NPEPL1: variants seen among roughly 807,000 people sequenced by gnomAD.
NPEPL1 encodes probable aminopeptidase NPEPL1.
In NPEPL1, 45 loss-of-function variants were observed where a neutral mutation model predicts 52.4. The ratio of observed to expected loss-of-function variants is 0.86; its 90% CI spans 0.68 to 1.10. The LOEUF (loss-of-function observed/expected upper bound fraction) is 1.10, where lower values mean the gene tolerates loss of function less well. Ranked by LOEUF, NPEPL1 falls within the 50% of genes least tolerant of loss-of-function variation. NPEPL1 has a pLI of 0.00. For synonymous variants in NPEPL1, 360 were observed against 314.7 expected, an observed-to-expected ratio of 1.14 and a Z score of -1.52; for missense variants, 696 against 710.9, an observed-to-expected ratio of 0.98 and a Z score of 0.24.
In NPEPL1 at chr20:58,712,556, C is replaced by CA. The variant is rs1568861137; in HGVS notation, c.979dup (p.Ile327AsnfsTer66). Reference sequence around the variant, plus strand: ...GGCCCAATGCGACAAGGCCAGATGACATCCACCTGCTGTACTCAGGGAAGT... The same window carrying CA: ...GGCCCAATGCGACAAGGCCAGATGACAATCCACCTGCTGTACTCAGGGAAGT... On this transcript the variant is annotated frameshift_variant, in exon 8 of 12. Transcript: ENST00000356091. LOFTEE classifies it high-confidence loss of function. 18 of 1,613,068 alleles carry CA rather than the reference C, an allele frequency of 1.1e-5. No individual in the cohort carries two copies. The highest frequency in any genetic ancestry group is 1.4e-5 in the Non-Finnish European group (17 of 1,179,210).
At chr20:58,709,929 C>G (rs1274097698) in intron 7 of NPEPL1, among the ~76,000 whole-genome samples, 2 of 152,004 alleles carry the variant, frequency 1.3e-5, no homozygotes, top group African/African-American at 4.8e-5. Flanking sequence ...GGTGATGGTC[C>G]TGTGTTGGTG....
At chr20:58,704,783 G>A (rs2084704992) in intron 6 of NPEPL1, among the ~76,000 whole-genome samples, 1 of 152,218 alleles carries the variant, frequency 6.6e-6, no homozygotes, top group South Asian at 2.1e-4. Context: ...AACTAACTAT[G>A]AACATTCTTT....
chr20:58,706,886 AG>A (rs953808071), intron 6 of NPEPL1, among the ~76,000 whole-genome samples: 1 of 152,310 alleles, frequency 6.6e-6, no homozygotes, highest in African/African-American at 2.4e-5. Flanking sequence ...TCAAAACAAA[AG>A]GGAGCCTCAC....
intron 6 of NPEPL1, among the ~76,000 whole-genome samples, chr20:58,704,670 G>C (rs1179898562): frequency 2.0e-5 from 3 of 152,186 alleles, no homozygotes; most frequent in African/African-American, 7.2e-5. Context: ...TTCCGATGTA[G>C]TCTATGGAAA....
intron 6 of NPEPL1, chr20:58,704,518 A>G (rs2084700574): frequency 6.1e-6 from 2 of 328,854 alleles, no homozygotes; most frequent in Admixed American, 1.3e-4. Context: ...AATCCATTGC[A>G]TGTTATCATA....
chr20:58,712,490 C>G lies in NPEPL1; in HGVS notation c.912C>G (p.Asp304Glu). 6.2e-7 allele frequency: 1 copy of G among 1,612,528 alleles called. No homozygotes were observed. Among genetic ancestry groups the G allele is most frequent in the Non-Finnish European group, 8.5e-7 (1 of 1,178,820 alleles). ...FRAAIKQGFK[D>E]NLHAVFCLAE... ...ACTTCTCCCTCCAGGGTTTCAAAGA[C>G]AACCTCCACGCTGTGTTCTGCTTGG... Residue 304 changes from aspartate (D) to glutamate (E), a missense_variant, in exon 8 of 12, where the codon GAC (aspartate) becomes GAG (glutamate). Asp to Glu is a conservative substitution (Grantham distance 45). Transcript: ENST00000356091.
intron 6 of NPEPL1, chr20:58,703,504 C>T (rs1325003241): frequency 5.1e-6 from 5 of 985,160 alleles, no homozygotes; most frequent in Non-Finnish European, 6.0e-6. Context: ...ACCCTGGAAG[C>T]CGCTACATTC....
At chr20:58,707,640 C>T (rs568807604) in intron 7 of NPEPL1, among the ~76,000 whole-genome samples, 3 of 152,062 alleles carry the variant, frequency 2.0e-5, no homozygotes, top group South Asian at 4.2e-4. Flanking sequence ...CCTGGCCAGG[C>T]CCCCTTCCTC....
At chr20:58,695,005 CATGTGTGA>C (rs2084435451) in intron 3 of NPEPL1, among the ~76,000 whole-genome samples, 1 of 1,234 alleles carries the variant, frequency 8.1e-4, no homozygotes. Flanking sequence ...TGTGTGTGTG[CATGTGTGA>C]TGTGTGTGTG....
intron 6 of NPEPL1, among the ~76,000 whole-genome samples, chr20:58,703,034 C>A (rs982845659): frequency 1.3e-5 from 2 of 152,200 alleles, no homozygotes; most frequent in South Asian, 4.1e-4. Context: ...CCCGCACTCT[C>A]GTGTTTTATT....
intron 6 of NPEPL1, among the ~76,000 whole-genome samples, chr20:58,706,066 T>C (rs1262918652): frequency 1.3e-5 from 2 of 152,258 alleles, no homozygotes; most frequent in African/African-American, 4.8e-5. Flanking sequence ...GAGGACCTGC[T>C]GTTAATTTAA....
At chr20:58,698,489 G>A (rs6092683) in intron 3 of NPEPL1, among the ~76,000 whole-genome samples, 195 bp from the exon 4 acceptor site, 46,912 of 151,956 alleles carry the variant, frequency 0.31, 8,213 homozygotes, top group Non-Finnish European at 0.39. Context: ...TCTTTCTACA[G>A]GTGGCCGGTG....
chr20:58,705,500 G>A (rs1462675790), intron 6 of NPEPL1: 1 of 456,150 alleles, frequency 2.2e-6, no homozygotes, highest in African/African-American at 2.0e-5. Context: ...TTTCCCAGAG[G>A]GCACGGAAAC....
intron 5 of NPEPL1, among the ~76,000 whole-genome samples, chr20:58,700,542 G>T (rs1209694184): frequency 6.6e-6 from 1 of 152,186 alleles, no homozygotes; most frequent in Non-Finnish European, 1.5e-5. Flanking sequence ...CTCTGCACAC[G>T]CACAGGCCAC....
chr20:58,713,866 T>C lies in NPEPL1; in HGVS notation c.1126-51T>C. The C allele has an allele frequency of 7.1e-7, 1 of 1,412,246 alleles. No homozygotes were observed. The highest frequency in any genetic ancestry group is 9.2e-7 in the Non-Finnish European group (1 of 1,085,612). The allele number at this position is 1,412,246 out of a possible 1,614,324, so 87.5% of individuals were successfully genotyped here. A position where few individuals can be genotyped will look rare whatever the true frequency, so the allele number is the denominator to read the frequency against. ...CCCGGTCCCTCTTTTGCCTTGGGTG[T>C]TTCTCTCCTGCCGTCCCGTCCACAC... On this transcript the variant is annotated intron_variant, in intron 9 of 11. Coordinates refer to ENST00000356091, the MANE Select transcript of NPEPL1 (RefSeq NM_024663.4). This position sits in a 1 kb window ranked among gnomAD's most constrained non-coding sequence, Gnocchi z 4.6.
At position 58,694,705 on chromosome 20, in the gene NPEPL1, C is replaced by T. The variant is rs557070723; in HGVS notation, c.507+113C>T. ...GCGGGGGCAGGAGGGGGTTCCTGCC[C>T]TTCCCAGGAGCTTTGGTTCCTGGGA... On this transcript the variant is annotated intron_variant, in intron 3 of 11. Transcript: ENST00000356091. 18 of 1,158,532 alleles carry T rather than the reference C, an allele frequency of 1.6e-5. No homozygotes were observed. In the East Asian group the frequency reaches 3.3e-4, roughly 21 times the overall value. 71.8% of individuals were successfully genotyped at this position (1,158,532 alleles called of 1,614,324 possible). A position where few individuals can be genotyped will look rare whatever the true frequency, so the allele number is the denominator to read the frequency against.
At position 58,700,272 on chromosome 20, in the gene NPEPL1, CATG is replaced by C. The variant is rs1393850555; in HGVS notation, c.680-742_680-740del. On this transcript the variant is annotated intron_variant, in intron 5 of 11. Transcript: ENST00000356091. ...GAGGTGAGACATCAGGACCTGCTCA[CATG>C]AGGGGGAGGGACTGCACAAGGACAT... Among the ~76,000 whole-genome samples the C allele has an allele frequency of 7.2e-5, 11 of 152,220 alleles. No homozygotes were observed. The East Asian group carries it at 7.7e-4, about 11-fold the overall frequency.
intron 1 of NPEPL1, chr20:58,693,254 C>A: frequency 4.6e-6 from 1 of 217,366 alleles, no homozygotes; most frequent in Non-Finnish European, 7.8e-6. Flanking sequence ...CGGTGCGGCG[C>A]GGTGGTCCTC....
chr20:58,693,881 G>A lies in NPEPL1; in HGVS notation c.295G>A (p.Val99Met), dbSNP rs534641809. The A allele has an allele frequency of 1.2e-6, 2 of 1,612,410 alleles. No individual in the cohort carries two copies. The highest frequency in any genetic ancestry group is 1.7e-6 in the Non-Finnish European group (2 of 1,179,244). The change falls in exon 2 of 12, where the codon GTG (valine) becomes ATG (methionine). Residue 99 changes from valine to methionine, a missense_variant. Physicochemically the swap from Val to Met is conservative, Grantham distance 21. Transcript: ENST00000356091. ...PSAAHFITRLVRTCLPPGAHR... is the reference protein window; with the variant it reads ...PSAAHFITRLMRTCLPPGAHR... ...GGCCGCCCACTTCATCACGCGGCTGGTGCGGACCTGCCTGCCGCCCGGAGC... is the reference window on the plus strand; with the variant it reads ...GGCCGCCCACTTCATCACGCGGCTGATGCGGACCTGCCTGCCGCCCGGAGC...
Sources: allele counts gnomAD v4.1 joint callset (sites outside exome capture counted in the v4.1 genomes callset), GRCh38; gene constraint gnomAD v4.1.1; non-coding constraint Gnocchi (gnomAD v3.1); transcripts MANE v1.5; gene names NCBI Gene and HGNC (gene_info 2026-07-23, HGNC 2026-07-21).